BRINP3: variants seen among roughly 807,000 people sequenced by gnomAD.
BRINP3 encodes BMP/retinoic acid-inducible neural-specific protein 3.
Under a neutral mutation model 71.0 loss-of-function variants are expected in BRINP3, and 19 were observed. The observed-to-expected ratio is 0.27, with a 90% CI of 0.19 to 0.39. The LOEUF is 0.39. BRINP3 is among the 10% of genes least tolerant of loss of function. BRINP3 has a pLI of 1.00. For synonymous variants in BRINP3, 380 were observed against 337.7 expected, an observed-to-expected ratio of 1.13 and a Z score of -1.37; for missense variants, 959 against 940.8, an observed-to-expected ratio of 1.02 and a Z score of -0.25.
intron 7 of BRINP3, among the ~76,000 whole-genome samples, chr1:190,122,407 G>T (rs980030893): frequency 6.6e-6 from 1 of 151,970 alleles, no homozygotes; most frequent in Admixed American, 6.6e-5. Flanking sequence ...ATCAGAATAG[G>T]CTGGGCTCTA....
intron 6 of BRINP3, among the ~76,000 whole-genome samples, chr1:190,199,811 A>T (rs143373001): frequency 6.6e-6 from 1 of 151,670 alleles, no homozygotes; most frequent in African/African-American, 2.4e-5. Flanking sequence ...CAAAAAAAAA[A>T]CCTAACCATT....
intron 4 of BRINP3, among the ~76,000 whole-genome samples, chr1:190,254,283 GTT>G (rs147239463): frequency 0.39 from 57,103 of 147,272 alleles, 11,964 homozygotes; most frequent in Non-Finnish European, 0.48. Flanking sequence ...CTTTAAAATA[GTT>G]TTTTTTTTTT....
At chr1:190,175,500 C>T (rs1652423929) in intron 6 of BRINP3, among the ~76,000 whole-genome samples, 1 of 152,088 alleles carries the variant, frequency 6.6e-6, no homozygotes, top group Non-Finnish European at 1.5e-5. Context: ...CTCTCAATTT[C>T]CAGGAATGTT....
chr1:190,272,747 C>T (rs934825642), intron 3 of BRINP3, among the ~76,000 whole-genome samples: 9 of 151,346 alleles, frequency 5.9e-5, no homozygotes, highest in Admixed American at 4.6e-4. Context: ...AAAGATAATC[C>T]ATTAATAAAT....
chr1:190,388,373 T>C (rs1220401697), intron 2 of BRINP3, among the ~76,000 whole-genome samples: 1 of 151,822 alleles, frequency 6.6e-6, no homozygotes, highest in Non-Finnish European at 1.5e-5. Context: ...GACTGTGACC[T>C]AATATGAAAA....
chr1:190,326,938 A>C (rs1237995599), intron 2 of BRINP3, among the ~76,000 whole-genome samples: 1 of 152,012 alleles, frequency 6.6e-6, no homozygotes, highest in Non-Finnish European at 1.5e-5. Context: ...ATAGGTTCAA[A>C]ACCTCACATA....
intron 6 of BRINP3, among the ~76,000 whole-genome samples, chr1:190,199,775 A>AAC (rs1654829321): frequency 6.7e-6 from 1 of 150,114 alleles, no homozygotes; most frequent in African/African-American, 2.5e-5. Flanking sequence ...GCATAGGAAA[A>AAC]AAAAAAAAAC....
intron 2 of BRINP3, among the ~76,000 whole-genome samples, chr1:190,424,572 C>T (rs990562713): frequency 2.0e-5 from 3 of 151,494 alleles, no homozygotes; most frequent in African/African-American, 7.3e-5. Flanking sequence ...CAACTTTGCC[C>T]CAGTAAGAAA....
chr1:190,254,239 T>C (rs1449685786), intron 4 of BRINP3, among the ~76,000 whole-genome samples: 1 of 152,190 alleles, frequency 6.6e-6, no homozygotes, highest in Non-Finnish European at 1.5e-5. Flanking sequence ...AGGATTGTCT[T>C]GGCAATGCAG....
intron 4 of BRINP3, among the ~76,000 whole-genome samples, chr1:190,245,520 T>C (rs1659511731): frequency 6.6e-6 from 1 of 152,184 alleles, no homozygotes; most frequent in Admixed American, 6.6e-5. Flanking sequence ...CCCAGTTTTC[T>C]TTAACTGAAA....
chr1:190,106,174 AC>A (rs1306102783), intron 7 of BRINP3, among the ~76,000 whole-genome samples: 1 of 151,402 alleles, frequency 6.6e-6, no homozygotes, highest in South Asian at 2.1e-4. Flanking sequence ...CTTGGTATTC[AC>A]CCCCCCATAA....
At chr1:190,282,316 A>G (rs1389173915) in intron 2 of BRINP3, among the ~76,000 whole-genome samples, 1 of 151,816 alleles carries the variant, frequency 6.6e-6, no homozygotes, top group Non-Finnish European at 1.5e-5. Flanking sequence ...GCAATTTCTC[A>G]AGATGCAAAG....
intron 2 of BRINP3, among the ~76,000 whole-genome samples, chr1:190,393,887 C>G (rs1490583174): frequency 2.6e-5 from 4 of 151,430 alleles, no homozygotes; most frequent in African/African-American, 9.7e-5. Context: ...CATGCCTGCC[C>G]TAAAGCTAAG....
chr1:190,470,009 G>A (rs1386769687), intron 1 of BRINP3, among the ~76,000 whole-genome samples: 1 of 151,082 alleles, frequency 6.6e-6, no homozygotes, highest in Non-Finnish European at 1.5e-5. Context: ...TAGTGACAGT[G>A]AGAATTTAAT....
chr1:190,373,898 CTGTCTATATT>C lies in BRINP3; in HGVS notation c.236+80747_236+80756del, dbSNP rs199678934. On this transcript the variant is annotated intron_variant, in intron 2 of 7. Coordinates refer to ENST00000367462, the MANE Select transcript of BRINP3 (RefSeq NM_199051.3). ...TTGGACTATGCTACACTGCCTCCTACTGTCTATATTTGTATGAGCAGAGACAGTAGGAGGC... is the reference window on the plus strand; with the variant it reads ...TTGGACTATGCTACACTGCCTCCTACTGTATGAGCAGAGACAGTAGGAGGC... Among the ~76,000 whole-genome samples the C allele has an allele frequency of 7.7e-3, 1,163 of 150,882 alleles. 15 individuals are homozygous for C. Among genetic ancestry groups the C allele is most frequent in the African/African-American group, 0.026 (1,081 of 41,296 alleles).
intron 6 of BRINP3, among the ~76,000 whole-genome samples, chr1:190,197,108 G>A (rs1654553923): frequency 6.6e-6 from 1 of 151,968 alleles, no homozygotes; most frequent in African/African-American, 2.4e-5. Context: ...GAAAACAAAG[G>A]AGAAGCAAAG....
chr1:190,156,157 C>A (rs1300778111), intron 7 of BRINP3, among the ~76,000 whole-genome samples: 1 of 152,058 alleles, frequency 6.6e-6, no homozygotes, highest in East Asian at 1.9e-4. Context: ...TGAGATTAAT[C>A]TGAATGTCAA....
intron 4 of BRINP3, among the ~76,000 whole-genome samples, chr1:190,242,123 T>G (rs1422917402): frequency 6.6e-6 from 1 of 151,926 alleles, no homozygotes; most frequent in South Asian, 2.1e-4. Context: ...AAACATATTA[T>G]TAATTATAAG....
At chr1:190,225,336 A>G (rs1657252692) in intron 6 of BRINP3, among the ~76,000 whole-genome samples, 1 of 151,904 alleles carries the variant, frequency 6.6e-6, no homozygotes. Flanking sequence ...CATGGATGGA[A>G]CAAGAGGCCT....
Sources: allele counts gnomAD v4.1 joint callset (sites outside exome capture counted in the v4.1 genomes callset), GRCh38; gene constraint gnomAD v4.1.1; transcripts MANE v1.5; gene names NCBI Gene and HGNC (gene_info 2026-07-23, HGNC 2026-07-21).